The following CHST8 variants were observed in gnomAD, a reference collection of about 807,000 sequenced individuals.
CHST8 encodes the protein GALNAC-4-ST1.
CHST8 carries 10 observed loss-of-function variants against 15.0 expected under a neutral mutation model. The observed-to-expected ratio is 0.67, with a 90% CI of 0.41 to 1.13. The LOEUF (loss-of-function observed/expected upper bound fraction) is 1.13. Ranked by LOEUF, CHST8 falls within the 50% of genes most tolerant of loss-of-function variation. The pLI, the probability that CHST8 is intolerant of heterozygous loss-of-function variation, is 0.00. For synonymous variants in CHST8, 259 were observed against 256.6 expected (o/e 1.01, Z -0.09); for missense variants, 634 against 608.2 (o/e 1.04, Z -0.45).
At chr19:33,631,213 G>A (rs1175991086) in intron 1 of CHST8, among the ~76,000 whole-genome samples, 1 of 152,198 alleles carries the variant, frequency 6.6e-6, no homozygotes, top group Non-Finnish European at 1.5e-5. Flanking sequence ...AGAGCTCTTG[G>A]TTCTTTCTGA....
At chr19:33,754,313 C>A (rs1974501951) in intron 3 of CHST8, among the ~76,000 whole-genome samples, 1 of 151,520 alleles carries the variant, frequency 6.6e-6, no homozygotes, top group East Asian at 2.0e-4. Context: ...CCGCACCTGG[C>A]ATCCCCAAGT....
At chr19:33,627,422 A>G (rs184436057) in intron 1 of CHST8, among the ~76,000 whole-genome samples, 306 of 152,046 alleles carry the variant, frequency 2.0e-3, no homozygotes, top group Middle Eastern at 6.8e-3. Context: ...CTTTTTCTTT[A>G]TATATTACCT....
intron 3 of CHST8, among the ~76,000 whole-genome samples, chr19:33,712,498 T>C (rs1973574325): frequency 6.6e-6 from 1 of 152,152 alleles, no homozygotes; most frequent in Non-Finnish European, 1.5e-5. Context: ...GAGTGAAACC[T>C]GCTACTTGTG....
chr19:33,754,433 T>A (rs1974503811), intron 3 of CHST8, among the ~76,000 whole-genome samples: 1 of 152,082 alleles, frequency 6.6e-6, no homozygotes, highest in Non-Finnish European at 1.5e-5. Flanking sequence ...CCAGGCAGGA[T>A]GAGGGACTGT....
chr19:33,627,854 G>C (rs1034103054), intron 1 of CHST8, among the ~76,000 whole-genome samples: 6 of 152,114 alleles, frequency 3.9e-5, no homozygotes, highest in African/African-American at 1.4e-4. Context: ...CAAAGCTAAG[G>C]GTGGTCCCTG....
intron 3 of CHST8, among the ~76,000 whole-genome samples, chr19:33,731,488 G>A (rs1451316187): frequency 2.6e-5 from 4 of 152,182 alleles, no homozygotes; most frequent in Non-Finnish European, 5.9e-5. Flanking sequence ...GAGGACAACC[G>A]GGGGTCACTT....
intron 1 of CHST8, among the ~76,000 whole-genome samples, chr19:33,649,350 A>C (rs1165925321): frequency 6.6e-6 from 1 of 152,096 alleles, no homozygotes; most frequent in African/African-American, 2.4e-5. Flanking sequence ...ATGTCTTTGG[A>C]GATGTCAGCT....
At chr19:33,646,290 TGAAATTATAGGGGGTA>T (rs1323491456) in intron 1 of CHST8, among the ~76,000 whole-genome samples, 1 of 151,984 alleles carries the variant, frequency 6.6e-6, no homozygotes, top group Non-Finnish European at 1.5e-5. Flanking sequence ...GTGTTAGGGA[TGAAATTATAGGGGGTA>T]GAAGTTATAG....
At chr19:33,671,759 G>T (rs1972741900) in intron 2 of CHST8, among the ~76,000 whole-genome samples, 1 of 151,730 alleles carries the variant, frequency 6.6e-6, no homozygotes, top group African/African-American at 2.4e-5. Flanking sequence ...ACCCTCTAAG[G>T]TTATATATAA....
chr19:33,757,520 A>G (rs867568034), intron 3 of CHST8, among the ~76,000 whole-genome samples: 2,188 of 20,646 alleles, frequency 0.11, 519 homozygotes, highest in Middle Eastern at 0.16. Context: ...GAAAGAAAGA[A>G]AGAGAAAGAA....
At chr19:33,641,740 G>A (rs2145201193) in intron 1 of CHST8, among the ~76,000 whole-genome samples, 1 of 152,010 alleles carries the variant, frequency 6.6e-6, no homozygotes, top group Admixed American at 6.5e-5. Flanking sequence ...GGGATGTCGG[G>A]GGCGGTGTGT....
At chr19:33,738,822 G>A (rs553726468) in intron 3 of CHST8, among the ~76,000 whole-genome samples, 27 of 152,166 alleles carry the variant, frequency 1.8e-4, no homozygotes, top group Non-Finnish European at 2.8e-4. Context: ...ACTTCTGACC[G>A]TGGGTGATCC....
At chr19:33,700,577 G>A (rs576253936) in intron 3 of CHST8, among the ~76,000 whole-genome samples, 6 of 152,164 alleles carry the variant, frequency 3.9e-5, no homozygotes, top group Admixed American at 1.3e-4. Context: ...CAGGCTCTCC[G>A]CTCAGGGCTG....
At position 33,773,001 on chromosome 19, in the gene CHST8, G is replaced by A. The variant is rs200926968; in HGVS notation, c.1213G>A (p.Asp405Asn). The change falls in exon 5 of 5, where the codon GAC (aspartate) becomes AAC (asparagine). Residue 405 changes from aspartate to asparagine, a missense_variant. By Grantham distance (23) the Asp-to-Asn change is conservative. Coordinates refer to ENST00000650847, the MANE Select transcript of CHST8 (RefSeq NM_001127895.2). The stretch of plus-strand genomic sequence containing the variant: ...GGCCCTGCAAAGGCAGCGCACCTAC[G>A]ACTTCTACTACATGGATTACCTGAT... ...LSALQRQRTY[D>N]FYYMDYLMFN... is the part of the protein sequence containing the mutation. 3.1e-6 allele frequency: 5 copies of A among 1,612,882 alleles called. No homozygotes were observed. The highest frequency in any genetic ancestry group is 4.2e-6 in the Non-Finnish European group (5 of 1,180,028).
intron 3 of CHST8, among the ~76,000 whole-genome samples, chr19:33,757,785 G>A (rs1974633492): frequency 6.6e-6 from 1 of 151,976 alleles, no homozygotes; most frequent in South Asian, 2.1e-4. Context: ...TCAAACTCCT[G>A]GGCTCAAGCA....
intron 1 of CHST8, among the ~76,000 whole-genome samples, chr19:33,631,042 CTA>C (rs1972115220): frequency 6.6e-6 from 1 of 152,178 alleles, no homozygotes; most frequent in African/African-American, 2.4e-5. Context: ...TCTGTCTACA[CTA>C]GTTGGAATCA....
chr19:33,759,000 G>A (rs1302585455), intron 3 of CHST8, among the ~76,000 whole-genome samples: 1 of 152,094 alleles, frequency 6.6e-6, no homozygotes, highest in Non-Finnish European at 1.5e-5. Context: ...GGTGAAAGCA[G>A]GAACAAAGGG....
rs755905971 is a variant in CHST8, at chr19:33,771,447, C to G, written c.165C>G (p.His55Gln). 8.7e-6 allele frequency: 14 copies of G among 1,613,966 alleles called. No individual in the cohort carries two copies. Among genetic ancestry groups the G allele is most frequent in the Non-Finnish European group, 1.2e-5 (14 of 1,179,972 alleles). Residue 55 changes from histidine (H) to glutamine (Q), a missense_variant, in exon 4 of 5, where the codon CAC (histidine) becomes CAG (glutamine). Physicochemically the swap from His to Gln is conservative, Grantham distance 24. Coordinates refer to ENST00000650847, the MANE Select transcript of CHST8 (RefSeq NM_001127895.2). ...TCAACATCAGGCCAAGGCAGCCCCA[C>G]CACGTAAGTTCTGAGAGTCAGATAA... ...IKFNIRPRQP[H>Q]HDLPPGGSQD...
intron 3 of CHST8, among the ~76,000 whole-genome samples, chr19:33,693,441 A>C (rs1464461957): frequency 5.3e-5 from 8 of 152,236 alleles, no homozygotes; most frequent in Admixed American, 5.2e-4. Context: ...GTCAGTGTGC[A>C]AATGTCTGTC....
Sources: allele counts gnomAD v4.1 joint callset (sites outside exome capture counted in the v4.1 genomes callset), GRCh38; gene constraint gnomAD v4.1.1; transcripts MANE v1.5; gene names NCBI Gene and HGNC (gene_info 2026-07-23, HGNC 2026-07-21).